PHACTR2: variants seen among roughly 807,000 people sequenced by gnomAD.
PHACTR2 encodes the protein chromosome 6 open reading frame 56.
PHACTR2 carries 30 observed loss-of-function variants against 76.0 expected under a neutral mutation model. The observed-to-expected ratio is 0.39, with a 90% confidence interval of 0.30 to 0.54. PHACTR2 has a LOEUF of 0.54. PHACTR2 is among the 20% of genes least tolerant of loss of function. PHACTR2 has a pLI of 0.61. For synonymous variants in PHACTR2, 292 were observed against 292.5 expected, an observed-to-expected ratio of 1.00 and a Z score of 0.02; for missense variants, 696 against 781.1, an observed-to-expected ratio of 0.89 and a Z score of 1.30.
Position 143,647,156 on chromosome 6 carries a change from AT to A in PHACTR2, c.13+38835del, listed in dbSNP as rs1175364951. 6.6e-6 allele frequency among the ~76,000 whole-genome samples: 1 copy of A among 152,196 alleles called. No homozygotes were observed. The highest frequency in any genetic ancestry group is 1.5e-5 in the Non-Finnish European group (1 of 68,038). On this transcript the variant is annotated intron_variant, in intron 1 of 11. Coordinates refer to the PHACTR2 transcript ENST00000305766. This position sits in a 1 kb window ranked among gnomAD's most constrained non-coding sequence, Gnocchi z 4.2. ...TGTTGACCTACATTGATAATTGGAA[AT>A]ATTACAACTTATTGCAAAGGTACTA... is the stretch of plus-strand genomic sequence containing the variant.
chr6:143,749,137 A>T, intron 3 of PHACTR2, 72 bp downstream of exon 3: 1 of 788,252 alleles, frequency 1.3e-6, no homozygotes, highest in Non-Finnish European at 2.2e-6. Context: ...TTTTCTTTTG[A>T]AATTTAAAGG....
At position 143,783,184 on chromosome 6, in the gene PHACTR2, A is replaced by G. The variant is rs767697270; in HGVS notation, c.1646-35A>G. On this transcript the variant is annotated intron_variant, in intron 9 of 12. Coordinates refer to ENST00000440869, the MANE Select transcript of PHACTR2 (RefSeq NM_001100164.2). This position sits in a 1 kb window ranked among gnomAD's most constrained non-coding sequence, Gnocchi z 5.2. ...TTCTGAATATGAAATCATCTATAGT[A>G]ACTGTCATCACGACTTTCCTCCTTT... The G allele has an allele frequency of 3.0e-6, 4 of 1,333,930 alleles. No individual in the cohort carries two copies. The highest frequency in any genetic ancestry group is 4.3e-6 in the Non-Finnish European group (4 of 928,242). The allele number at this position is 1,333,930 out of a possible 1,614,324, so 82.6% of individuals were successfully genotyped here.
chr6:143,547,625 G>A lies in PHACTR2; in HGVS notation c.217+10418G>A, dbSNP rs1775019740. ...TGAGAGGATTACTAAGTAATAGCAA[G>A]GGTTTGAACAAAATGAACAAATTTC... On this transcript the variant is annotated intron_variant, in intron 1 of 11. Coordinates refer to the PHACTR2 transcript ENST00000367584. The surrounding 1 kb of genome is among the most constrained non-coding windows in gnomAD (Gnocchi z 4.2). 6.6e-6 allele frequency among the ~76,000 whole-genome samples: 1 copy of A among 152,198 alleles called. No homozygotes were observed. Among genetic ancestry groups the A allele is most frequent in the African/African-American group, 2.4e-5 (1 of 41,452 alleles).
At chr6:143,551,600 G>T (rs1775096498) in intron 1 of PHACTR2, among the ~76,000 whole-genome samples, 1 of 152,178 alleles carries the variant, frequency 6.6e-6, no homozygotes, top group African/African-American at 2.4e-5. Flanking sequence ...AAGGAAGGGA[G>T]ACCTTGGGAA....
Position 143,625,508 on chromosome 6 carries a change from T to C in PHACTR2, c.13+17186T>C, listed in dbSNP as rs980065227. Among the ~76,000 whole-genome samples, 3 of 152,310 alleles carry C rather than the reference T, an allele frequency of 2.0e-5. No homozygotes were observed. The South Asian group carries it at 6.2e-4, about 32-fold the overall frequency. On this transcript the variant is annotated intron_variant, in intron 1 of 11. Coordinates refer to the PHACTR2 transcript ENST00000305766. This position sits in a 1 kb window ranked among gnomAD's most constrained non-coding sequence, Gnocchi z 4.3. ...AAGGATAATAAATATTATTGATAAC[T>C]TATCGAATAGGTAATTGCTGCATAT...
At position 143,760,591 on chromosome 6, in the gene PHACTR2, C is replaced by A. The variant is rs1429086996; in HGVS notation, c.645C>A (p.Ala215=). 6.2e-7 allele frequency: 1 copy of A among 1,613,788 alleles called. No homozygotes were observed. The highest frequency in any genetic ancestry group is 8.5e-7 in the Non-Finnish European group (1 of 1,179,880). ...ATACCAAGGCTCCTGGTAAGCAGGC[C>A]CCCGTCCCTCCACCCAAGCCAGCAA... The part of the protein sequence containing the change: ...KKNTKAPGKQ[A]PVPPPKPASR... Residue 215 remains alanine (A), a synonymous_variant, in exon 5 of 13, where the codon GCC becomes GCA. Coordinates refer to ENST00000440869, the MANE Select transcript of PHACTR2 (RefSeq NM_001100164.2). The surrounding 1 kb of genome is among the most constrained non-coding windows in gnomAD (Gnocchi z 6.4).
In PHACTR2 at chr6:143,801,738, T is replaced by G. The variant is rs1246227657; in HGVS notation, c.1846-5319T>G. On this transcript the variant is annotated intron_variant, in intron 11 of 12. Coordinates refer to ENST00000440869, the MANE Select transcript of PHACTR2 (RefSeq NM_001100164.2). This position sits in a 1 kb window ranked among gnomAD's most constrained non-coding sequence, Gnocchi z 4.6. The stretch of plus-strand genomic sequence containing the variant: ...TCATTCTCCGTCCAGTTTTGTTCCC[T>G]TGCTGGCGAGGAGTTGTGATCCTTT... Among the ~76,000 whole-genome samples the G allele has an allele frequency of 6.6e-6, 1 of 152,190 alleles. No homozygotes were observed. Among genetic ancestry groups the G allele is most frequent in the Non-Finnish European group, 1.5e-5 (1 of 68,024 alleles).
chr6:143,555,060 A>G (rs1775152499), intron 1 of PHACTR2: 1 of 152,154 alleles, frequency 6.6e-6, no homozygotes, highest in Admixed American at 6.5e-5. Flanking sequence ...GTTTCCATAC[A>G]CATACGGAGG....
chr6:143,555,160 T>G (rs1775154425), intron 1 of PHACTR2: 2 of 152,178 alleles, frequency 1.3e-5, no homozygotes, highest in Non-Finnish European at 2.9e-5. Flanking sequence ...ATCTTCCCTT[T>G]TTAGTGTGGG....
At chr6:143,771,150 A>G (rs1246635525) in intron 6 of PHACTR2, among the ~76,000 whole-genome samples, 1 of 51,058 alleles carries the variant, frequency 2.0e-5, no homozygotes, top group African/African-American at 1.1e-4. Context: ...ATATGTATAT[A>G]TATATATGTA....
At position 143,556,734 on chromosome 6, in the gene PHACTR2, C is replaced by T. The variant is rs1775179688; in HGVS notation, c.217+19527C>T. Among the ~76,000 whole-genome samples the T allele has an allele frequency of 6.6e-6, 1 of 152,210 alleles. No homozygotes were observed. Among genetic ancestry groups the T allele is most frequent in the South Asian group, 2.1e-4 (1 of 4,836 alleles). ...AGGAGAAGGAAGACGTACATCACCA[C>T]AGGACCACAGCGACGCATCACCATG... On this transcript the variant is annotated intron_variant, in intron 1 of 11. Transcript: ENST00000367584. The surrounding 1 kb of genome is among the most constrained non-coding windows in gnomAD (Gnocchi z 4.3).
chr6:143,709,611 G>A lies in PHACTR2; in HGVS notation c.47-2405G>A, dbSNP rs73577991. 2.6e-5 allele frequency among the ~76,000 whole-genome samples: 4 copies of A among 152,084 alleles called. No homozygotes were observed. Among genetic ancestry groups the A allele is most frequent in the Non-Finnish European group, 5.9e-5 (4 of 68,020 alleles). On this transcript the variant is annotated intron_variant, in intron 1 of 12. Coordinates refer to ENST00000440869, the MANE Select transcript of PHACTR2 (RefSeq NM_001100164.2). The surrounding 1 kb of genome is among the most constrained non-coding windows in gnomAD (Gnocchi z 4.4). ...GCAGTGGGTGCCGCCTTGTCACCCC[G>A]ACATGGAGGTAAAAATCCCATTTCT...
chr6:143,576,522 C>T (rs1023032155), intron 1 of PHACTR2, among the ~76,000 whole-genome samples: 2 of 152,164 alleles, frequency 1.3e-5, no homozygotes, highest in Non-Finnish European at 2.9e-5. Flanking sequence ...TTTAGCTTTT[C>T]AGTTTTAAAA....
At chr6:143,706,071 T>C (rs187363610) in intron 1 of PHACTR2, among the ~76,000 whole-genome samples, 137 of 152,356 alleles carry the variant, frequency 9.0e-4, no homozygotes, top group African/African-American at 2.8e-3. Flanking sequence ...TAATTTTACT[T>C]TGTTGCTGAG....
intron 12 of PHACTR2, among the ~76,000 whole-genome samples, chr6:143,810,190 A>T (rs1389806788): frequency 1.3e-5 from 2 of 152,222 alleles, no homozygotes; most frequent in Non-Finnish European, 2.9e-5. Flanking sequence ...TATGCCAAAA[A>T]GTTATTGAAC....
rs1775313368 is a variant in PHACTR2 at position 143,777,628 on chromosome 6, T to C, written c.1645+245T>C. On this transcript the variant is annotated intron_variant, in intron 9 of 12. Coordinates refer to ENST00000440869, the MANE Select transcript of PHACTR2 (RefSeq NM_001100164.2). This position sits in a 1 kb window ranked among gnomAD's most constrained non-coding sequence, Gnocchi z 4.6. ...AGAGCAGAGTCATGGTCATGACAAT[T>C]GTGTTTAAGAAAGATGAAATATATT... 6.6e-6 allele frequency among the ~76,000 whole-genome samples: 1 copy of C among 152,190 alleles called. No homozygotes were observed. The highest frequency in any genetic ancestry group is 6.5e-5 in the Admixed American group (1 of 15,276).
In PHACTR2 at chr6:143,627,219, A is replaced by G. The variant is rs1776277028; in HGVS notation, c.13+18897A>G. On this transcript the variant is annotated intron_variant, in intron 1 of 11. Transcript: ENST00000305766. The surrounding 1 kb of genome is among the most constrained non-coding windows in gnomAD (Gnocchi z 4.3). Reference sequence around the variant, plus strand: ...GATATTTGGGCTGGGATGTTTGAAGAACAGGTTCAAGTTTGCTAGGCAGAG... The same window carrying G: ...GATATTTGGGCTGGGATGTTTGAAGGACAGGTTCAAGTTTGCTAGGCAGAG... Among the ~76,000 whole-genome samples, 1 of 152,324 alleles carries G rather than the reference A, an allele frequency of 6.6e-6. No homozygotes were observed. Among genetic ancestry groups the G allele is most frequent in the Admixed American group, 6.5e-5 (1 of 15,306 alleles).
In PHACTR2 at chr6:143,619,461, G is replaced by C. The variant is rs1776114271; in HGVS notation, c.13+11139G>C. Among the ~76,000 whole-genome samples the C allele has an allele frequency of 1.3e-5, 2 of 152,178 alleles. No homozygotes were observed. The highest frequency in any genetic ancestry group is 2.9e-5 in the Non-Finnish European group (2 of 68,044). On this transcript the variant is annotated intron_variant, in intron 1 of 11. Coordinates refer to the PHACTR2 transcript ENST00000305766. This position sits in a 1 kb window ranked among gnomAD's most constrained non-coding sequence, Gnocchi z 4.5. ...CCAGTGTGAAAGCACATTATTATTA[G>C]AATGCTAAAGATCTTGTGCCTTGCA...
At chr6:143,810,048 T>C (rs1582903370) in intron 12 of PHACTR2, among the ~76,000 whole-genome samples, 1 of 151,924 alleles carries the variant, frequency 6.6e-6, no homozygotes, top group Admixed American at 6.6e-5. Flanking sequence ...GAGGCAGAGG[T>C]GGCAGTGAGC....
Sources: gnomAD v4.1 joint callset for allele counts (sites outside exome capture counted in the v4.1 genomes callset) on GRCh38, gnomAD v4.1.1 for gene constraint, Gnocchi (gnomAD v3.1) non-coding constraint, MANE v1.5 for transcripts, NCBI Gene and HGNC (gene_info 2026-07-23, HGNC 2026-07-21) for gene names.